PRIMA1: variants seen among roughly 807,000 people sequenced by gnomAD.
The protein encoded by PRIMA1 is proline rich membrane anchor 1.
In PRIMA1, 7 loss-of-function variants were observed where a neutral mutation model predicts 17.5. The ratio of observed to expected loss-of-function variants is 0.40; its 90% CI spans 0.23 to 0.75. The LOEUF is 0.75. Among genes scored for constraint, PRIMA1 ranks in the 30% least tolerant of loss-of-function variants. PRIMA1 has a pLI of 0.37. For synonymous variants in PRIMA1, 97 were observed against 77.9 expected (o/e 1.25, Z -1.29); for missense variants, 200 against 201.8 (o/e 0.99, Z 0.05).
At chr14:93,766,540 C>T (rs1884896664) in intron 3 of PRIMA1, among the ~76,000 whole-genome samples, 1 of 152,228 alleles carries the variant, frequency 6.6e-6, no homozygotes, top group Non-Finnish European at 1.5e-5. Flanking sequence ...CCACTGCAGA[C>T]ACATGTGTGA....
intron 4 of PRIMA1, among the ~76,000 whole-genome samples, chr14:93,731,089 G>A (rs772532836): frequency 2.6e-5 from 4 of 152,168 alleles, no homozygotes; most frequent in Non-Finnish European, 5.9e-5. Flanking sequence ...CCCAGGAAAG[G>A]AAACAGCATA....
At chr14:93,725,752 A>G (rs1418196560) in intron 4 of PRIMA1, 1 of 355,638 alleles carries the variant, frequency 2.8e-6, no homozygotes, top group East Asian at 7.4e-5. Flanking sequence ...AGCTCTCAGT[A>G]CTGCTGGGGA....
chr14:93,783,485 G>A (rs563502994), intron 2 of PRIMA1, among the ~76,000 whole-genome samples: 2 of 151,938 alleles, frequency 1.3e-5, no homozygotes, highest in South Asian at 2.1e-4. Flanking sequence ...AGGAAGCCTC[G>A]GGTGTCTGGA....
In PRIMA1 at chr14:93,735,797, T is replaced by A. The variant is rs548783244; in HGVS notation, c.359+1444A>T. Among the ~76,000 whole-genome samples the A allele has an allele frequency of 5.3e-5, 8 of 152,058 alleles. No individual in the cohort carries two copies. The South Asian group carries it at 1.7e-3, about 32-fold the overall frequency. ...ACCTCCGCCTCCCAGGTTCAAGAGA[T>A]TCTCCTGCCTCAGCCTCCTGAGGCT... On this transcript the variant is annotated intron_variant, in intron 4 of 4. Coordinates refer to ENST00000393140, the MANE Select transcript of PRIMA1 (RefSeq NM_178013.4).
chr14:93,746,595 G>A (rs2076220155), intron 3 of PRIMA1, among the ~76,000 whole-genome samples: 1 of 152,114 alleles, frequency 6.6e-6, no homozygotes, highest in Admixed American at 6.5e-5. Flanking sequence ...GAGGCCATGG[G>A]GAGGACTTAA....
At chr14:93,725,769 G>A in intron 4 of PRIMA1, 1 of 359,088 alleles carries the variant, frequency 2.8e-6, no homozygotes, top group Non-Finnish European at 5.5e-6. Context: ...GGGAAAAGGT[G>A]TCACCAGGTA....
chr14:93,753,698 A>G (rs1039946557), intron 3 of PRIMA1, among the ~76,000 whole-genome samples: 1 of 152,134 alleles, frequency 6.6e-6, no homozygotes, highest in Non-Finnish European at 1.5e-5. Flanking sequence ...GCCACTGGAG[A>G]CCCACCCTTG....
intron 3 of PRIMA1, among the ~76,000 whole-genome samples, chr14:93,742,814 A>G (rs2076192644): frequency 6.6e-6 from 1 of 152,228 alleles, no homozygotes; most frequent in Non-Finnish European, 1.5e-5. Context: ...ACAATGGCGC[A>G]TAGCTCAGTT....
intron 4 of PRIMA1, among the ~76,000 whole-genome samples, chr14:93,736,572 GC>G (rs2076151667): frequency 6.6e-6 from 1 of 152,252 alleles, no homozygotes; most frequent in Non-Finnish European, 1.5e-5. Context: ...CCATGCCCGG[GC>G]CCTGCCGCCA....
intron 3 of PRIMA1, among the ~76,000 whole-genome samples, chr14:93,750,823 C>A (rs1308522424): frequency 1.3e-5 from 2 of 152,090 alleles, no homozygotes; most frequent in Non-Finnish European, 2.9e-5. Context: ...GGCCCTTTAC[C>A]CCAAATGTCA....
At chr14:93,754,790 G>A (rs1213118804) in intron 3 of PRIMA1, among the ~76,000 whole-genome samples, 9 of 152,168 alleles carry the variant, frequency 5.9e-5, no homozygotes, top group Non-Finnish European at 1.3e-4. Flanking sequence ...AGCCGGCCAT[G>A]CAGCTCACCA....
At chr14:93,752,376 C>T (rs1595207612) in intron 3 of PRIMA1, among the ~76,000 whole-genome samples, 3 of 152,238 alleles carry the variant, frequency 2.0e-5, no homozygotes, top group South Asian at 4.1e-4. Context: ...GGCAAGCCAA[C>T]GCTCTGCTGA....
At chr14:93,784,704 A>T (rs939883163) in intron 2 of PRIMA1, among the ~76,000 whole-genome samples, 4 of 151,990 alleles carry the variant, frequency 2.6e-5, no homozygotes, top group Non-Finnish European at 4.4e-5. Flanking sequence ...TTTGCATCCT[A>T]ACTTCTCATC....
chr14:93,733,898 G>C (rs1019179314), intron 4 of PRIMA1, among the ~76,000 whole-genome samples: 1 of 152,094 alleles, frequency 6.6e-6, no homozygotes, highest in Non-Finnish European at 1.5e-5. Flanking sequence ...GTCAGCGCCT[G>C]GGGGGGCAGT....
In PRIMA1 at chr14:93,723,854, A is replaced by T. The variant is rs2076058183; in HGVS notation, c.360-2308T>A. 3.3e-5 allele frequency among the ~76,000 whole-genome samples: 5 copies of T among 152,286 alleles called. No homozygotes were observed. The South Asian group carries it at 1.0e-3, about 32-fold the overall frequency. On this transcript the variant is annotated intron_variant, in intron 4 of 4. Coordinates refer to ENST00000393140, the MANE Select transcript of PRIMA1 (RefSeq NM_178013.4). Reference sequence around the variant, plus strand: ...GGGGCCTGGACCACCACCCACTAACACTGTGTCTTGGCCAGACATCTATCT... The same window carrying T: ...GGGGCCTGGACCACCACCCACTAACTCTGTGTCTTGGCCAGACATCTATCT...
intron 4 of PRIMA1, among the ~76,000 whole-genome samples, chr14:93,734,500 T>A (rs1186504995): frequency 6.6e-6 from 1 of 152,180 alleles, no homozygotes; most frequent in Non-Finnish European, 1.5e-5. Context: ...CGGCACTAGT[T>A]TCCCGCTTGC....
chr14:93,752,665 G>A (rs2076267563), intron 3 of PRIMA1, among the ~76,000 whole-genome samples: 1 of 152,052 alleles, frequency 6.6e-6, no homozygotes, highest in African/African-American at 2.4e-5. Flanking sequence ...GCTTGTCCAA[G>A]GATAGGGCAC....
chr14:93,736,339 G>A (rs2076149830), intron 4 of PRIMA1, among the ~76,000 whole-genome samples: 1 of 152,214 alleles, frequency 6.6e-6, no homozygotes, highest in African/African-American at 2.4e-5. Flanking sequence ...CTGCAAAATG[G>A]AGCTGACTGG....
chr14:93,733,150 T>C (rs2076126446), intron 4 of PRIMA1, among the ~76,000 whole-genome samples: 1 of 152,194 alleles, frequency 6.6e-6, no homozygotes, highest in Non-Finnish European at 1.5e-5. Context: ...CCACTGCTCG[T>C]GCTCATGCAA....
Sources: allele counts gnomAD v4.1 joint callset (sites outside exome capture counted in the v4.1 genomes callset), GRCh38; gene constraint gnomAD v4.1.1; transcripts MANE v1.5; gene names NCBI Gene and HGNC (gene_info 2026-07-23, HGNC 2026-07-21).